Variants in FRMD4B observed in about 807,000 individuals in gnomAD.
FRMD4B encodes FERM domain containing 4B, also known as FERM domain-containing protein 4B.
A neutral mutation model predicts 141.5 loss-of-function variants in FRMD4B; 74 were observed. That is an observed-to-expected ratio of 0.52 (90% CI 0.43 to 0.63). The LOEUF is 0.63. Among genes scored for constraint, FRMD4B ranks in the 30% least tolerant of loss-of-function variants. The pLI is 0.00. For missense variants in FRMD4B, 1,366 were observed against 1,253.4 expected (o/e 1.09, Z -1.36); for synonymous variants, 506 against 467.9 (o/e 1.08, Z -1.05).
chr3:69,199,565 G>A (rs957687326), intron 11 of FRMD4B, among the ~76,000 whole-genome samples: 21 of 152,328 alleles, frequency 1.4e-4, no homozygotes, highest in African/African-American at 5.1e-4. Flanking sequence ...TCCTACCTAT[G>A]AAGAGTTCCC....
At position 69,178,588 on chromosome 3, in the gene FRMD4B, C is replaced by T. The variant is rs188755298; in HGVS notation, c.2852-1932G>A. ...TTGGGAGGCTGAGGAGGGAGGATCGCGTTGAGCCAAGGAGTTTGAGACTGA... is the reference window on the plus strand; with the variant it reads ...TTGGGAGGCTGAGGAGGGAGGATCGTGTTGAGCCAAGGAGTTTGAGACTGA... On this transcript the variant is annotated intron_variant, in intron 21 of 22. Transcript: ENST00000398540. Among the ~76,000 whole-genome samples, 13 of 151,116 alleles carry T rather than the reference C, an allele frequency of 8.6e-5. No homozygotes were observed. The East Asian group carries it at 1.4e-3, about 16-fold the overall frequency.
At chr3:69,272,402 C>T (rs530634149) in intron 5 of FRMD4B, among the ~76,000 whole-genome samples, 6 of 152,310 alleles carry the variant, frequency 3.9e-5, no homozygotes, top group African/African-American at 1.4e-4. Flanking sequence ...TCAGGTGATC[C>T]GCCTGCCTCG....
At chr3:69,455,335 T>G (rs946488712) in intron 1 of FRMD4B, among the ~76,000 whole-genome samples, 1 of 152,248 alleles carries the variant, frequency 6.6e-6, no homozygotes, top group African/African-American at 2.4e-5. Context: ...AATAAATTTT[T>G]GCAGTTGCTT....
In FRMD4B at chr3:69,302,404, G is replaced by A. The variant is rs775396961; in HGVS notation, c.355C>T (p.Arg119Ter). ...TTGGGCAAATCGTGGTCAAGAACTC[G>A]GTGATCTAACTGCAGCCAGTTCTGC... ...GQQNWLQLDH[R>*]VLDHDLPKKP... Residue 119 changes from arginine (R) to a stop codon, truncating the protein, a stop_gained, in exon 4 of 23, where the codon CGA becomes TGA. Coordinates refer to ENST00000398540, the MANE Select transcript of FRMD4B (RefSeq NM_015123.3). LOFTEE classifies it high-confidence loss of function. 3.7e-6 allele frequency: 6 copies of A among 1,606,716 alleles called. No individual in the cohort carries two copies. The highest frequency in any genetic ancestry group is 1.1e-5 in the South Asian group (1 of 89,568).
chr3:69,245,374 CT>C (rs2106742833), intron 7 of FRMD4B, among the ~76,000 whole-genome samples: 1 of 151,058 alleles, frequency 6.6e-6, no homozygotes, highest in Admixed American at 6.6e-5. Context: ...GAGTCTTGCT[CT>C]GTTGCCCAGG....
chr3:69,405,500 T>A (rs1175218025), intron 2 of FRMD4B, among the ~76,000 whole-genome samples: 1 of 152,206 alleles, frequency 6.6e-6, no homozygotes. Flanking sequence ...CTGGCAGCCC[T>A]GTGCAGGGCA....
chr3:69,335,361 T>A (rs915079201), intron 1 of FRMD4B, among the ~76,000 whole-genome samples: 7 of 142,692 alleles, frequency 4.9e-5, no homozygotes, highest in African/African-American at 1.5e-4. Flanking sequence ...ACTTTTTTTT[T>A]TCATTATTGC....
chr3:69,226,037 C>T (rs533651128), intron 7 of FRMD4B, among the ~76,000 whole-genome samples: 42 of 152,236 alleles, frequency 2.8e-4, no homozygotes, highest in Admixed American at 1.2e-3. Context: ...ACAAGCATTC[C>T]CATGCAGTAG....
rs1704118773 is a variant in FRMD4B, at chr3:69,381,517, C to CT, written c.162+4310_162+4311insA. ...CAGACTAGAAGCAAGAAAAATGACA[C>CT]CTTTTTATCAACAAGATCATCTAAA... On this transcript the variant is annotated intron_variant, in intron 1 of 22. Coordinates refer to ENST00000398540, the MANE Select transcript of FRMD4B (RefSeq NM_015123.3). 2.0e-5 allele frequency among the ~76,000 whole-genome samples: 3 copies of CT among 152,272 alleles called. No individual in the cohort carries two copies. The South Asian group carries it at 6.2e-4, about 32-fold the overall frequency.
At chr3:69,277,984 T>C (rs965613169) in intron 5 of FRMD4B, among the ~76,000 whole-genome samples, 1 of 151,924 alleles carries the variant, frequency 6.6e-6, no homozygotes, top group African/African-American at 2.4e-5. Context: ...GCCTCCCAAG[T>C]AGCTGGGACT....
intron 7 of FRMD4B, among the ~76,000 whole-genome samples, chr3:69,245,662 T>TC (rs1470471623): frequency 0.023 from 1,976 of 85,888 alleles, 67 homozygotes; most frequent in African/African-American, 0.073. Context: ...TGATTTTCTT[T>TC]TCTTTTTTTT....
At chr3:69,496,637 A>AAAGAGAGAGAG in intron 1 of FRMD4B, among the ~76,000 whole-genome samples, 1 of 56,520 alleles carries the variant, frequency 1.8e-5, no homozygotes, top group African/African-American at 8.1e-5. Context: ...GAGAGAGAGA[A>AAAGAGAGAGAG]AGAGAGAGAG....
At chr3:69,419,368 A>G (rs56261243) in intron 2 of FRMD4B, among the ~76,000 whole-genome samples, 41,041 of 152,028 alleles carry the variant, frequency 0.27, 5,971 homozygotes, top group East Asian at 0.44. Context: ...TTTCCTCAGT[A>G]TTGATCTCAT....
chr3:69,190,782 G>T (rs1284344825), intron 17 of FRMD4B, among the ~76,000 whole-genome samples: 2 of 152,122 alleles, frequency 1.3e-5, no homozygotes, highest in East Asian at 3.9e-4. Flanking sequence ...CTTTGTCCTG[G>T]GGAGATGTCC....
intron 2 of FRMD4B, among the ~76,000 whole-genome samples, chr3:69,407,589 C>G (rs752747814): frequency 2.0e-5 from 3 of 152,194 alleles, no homozygotes; most frequent in Non-Finnish European, 4.4e-5. Flanking sequence ...TTACTTATTA[C>G]ACAGGATTTT....
At chr3:69,279,100 T>C (rs1440417285) in intron 5 of FRMD4B, among the ~76,000 whole-genome samples, 1 of 152,012 alleles carries the variant, frequency 6.6e-6, no homozygotes. Context: ...ACACAACACA[T>C]ACTACACACA....
intron 1 of FRMD4B, chr3:69,323,093 A>G: frequency 2.0e-6 from 1 of 511,388 alleles, no homozygotes; most frequent in Non-Finnish European, 2.5e-6. Flanking sequence ...AAAAGAAGCA[A>G]AGGAGGAAAG....
chr3:69,199,618 A>G (rs1317935362), intron 11 of FRMD4B, among the ~76,000 whole-genome samples: 2 of 152,136 alleles, frequency 1.3e-5, no homozygotes, highest in Non-Finnish European at 2.9e-5. Context: ...GGGGGCAGAG[A>G]AGGGGTAGGA....
At chr3:69,476,670 T>C (rs1706005945) in intron 1 of FRMD4B, among the ~76,000 whole-genome samples, 1 of 152,202 alleles carries the variant, frequency 6.6e-6, no homozygotes, top group African/African-American at 2.4e-5. Context: ...TGGCTTAGGA[T>C]TGACTTGGCA....
Sources: gnomAD v4.1 joint callset for allele counts (sites outside exome capture counted in the v4.1 genomes callset) on GRCh38, gnomAD v4.1.1 for gene constraint, MANE v1.5 for transcripts, NCBI Gene and HGNC (gene_info 2026-07-23, HGNC 2026-07-21) for gene names.